MAPKAP1: variants seen among roughly 807,000 people sequenced by gnomAD.
The protein encoded by MAPKAP1 is target of rapamycin complex 2 subunit MAPKAP1.
Under a neutral mutation model 65.7 loss-of-function variants are expected in MAPKAP1, and 20 were observed. The observed-to-expected ratio is 0.30, with a 90% confidence interval of 0.21 to 0.44. The LOEUF (loss-of-function observed/expected upper bound fraction) is 0.44, where lower values mean the gene tolerates loss of function less well. Among genes scored for constraint, MAPKAP1 ranks in the 20% least tolerant of loss-of-function variants. The pLI, the probability that MAPKAP1 is intolerant of heterozygous loss-of-function variation, is 1.00. For missense variants in MAPKAP1, 423 were observed against 648.0 expected (o/e 0.65, Z 3.77); for synonymous variants, 222 against 244.3 (o/e 0.91, Z 0.85).
At chr9:125,578,120 C>A (rs558685750) in intron 5 of MAPKAP1, among the ~76,000 whole-genome samples, 26 of 152,258 alleles carry the variant, frequency 1.7e-4, no homozygotes, top group African/African-American at 6.0e-4. Context: ...TCCTGTTGAT[C>A]TATGACCTTA....
intron 1 of MAPKAP1, among the ~76,000 whole-genome samples, chr9:125,685,192 T>G (rs1435729694): frequency 1.3e-5 from 2 of 151,796 alleles, no homozygotes; most frequent in Non-Finnish European, 2.9e-5. Context: ...AGAAGTAAAT[T>G]ATATAGTGAG....
intron 1 of MAPKAP1, among the ~76,000 whole-genome samples, chr9:125,693,470 TAC>T (rs572578988): frequency 3.1e-4 from 46 of 148,768 alleles, no homozygotes; most frequent in Admixed American, 7.4e-4. Context: ...CATGTATATA[TAC>T]ACACACATAT....
At chr9:125,474,037 AATG>A (rs1854018975) in intron 9 of MAPKAP1, among the ~76,000 whole-genome samples, 1 of 152,164 alleles carries the variant, frequency 6.6e-6, no homozygotes, top group East Asian at 1.9e-4. Flanking sequence ...TACTCCTTCT[AATG>A]ATTATTATCA....
intron 4 of MAPKAP1, among the ~76,000 whole-genome samples, chr9:125,635,854 G>T (rs377646620): frequency 3.7e-4 from 56 of 152,260 alleles, no homozygotes; most frequent in African/African-American, 1.3e-3. Context: ...CAAAGCAGGC[G>T]TAGCAGTTTA....
rs145316996 is a variant in MAPKAP1 at position 125,498,112 on chromosome 9, G to C, written c.1066+8198C>G. ...AGGCATTTGGCTGAAGGATGTAGTA[G>C]ATTATCCGACAAGAATCCAAACTGG... is the stretch of plus-strand genomic sequence containing the variant. On this transcript the variant is annotated intron_variant, in intron 8 of 11. Coordinates refer to ENST00000265960, the MANE Select transcript of MAPKAP1 (RefSeq NM_001006617.3). Among the ~76,000 whole-genome samples the C allele has an allele frequency of 8.5e-4, 129 of 152,318 alleles. 1 individual carries two copies. The Middle Eastern group carries it at 0.034, about 40-fold the overall frequency.
chr9:125,682,980 C>T (rs1359267073), intron 1 of MAPKAP1, among the ~76,000 whole-genome samples: 1 of 143,564 alleles, frequency 7.0e-6, no homozygotes, highest in Non-Finnish European at 1.5e-5. Flanking sequence ...TTTTTTGAGA[C>T]GGAGTTTTGC....
At chr9:125,505,032 C>T (rs1402289329) in intron 8 of MAPKAP1, among the ~76,000 whole-genome samples, 1 of 152,214 alleles carries the variant, frequency 6.6e-6, no homozygotes, top group African/African-American at 2.4e-5. Context: ...AGATATTAAA[C>T]AATCACTGAG....
intron 1 of MAPKAP1, among the ~76,000 whole-genome samples, chr9:125,704,559 A>C (rs774742584): frequency 2.6e-5 from 4 of 152,176 alleles, no homozygotes; most frequent in Non-Finnish European, 5.9e-5. Flanking sequence ...CCAAGGTCTA[A>C]CATTTTGCTT....
intron 1 of MAPKAP1, among the ~76,000 whole-genome samples, chr9:125,698,021 A>C (rs1053052487): frequency 3.3e-5 from 5 of 151,716 alleles, no homozygotes; most frequent in African/African-American, 4.8e-5. Context: ...GCCAGTCCCA[A>C]TATCCAAATC....
intron 6 of MAPKAP1, among the ~76,000 whole-genome samples, chr9:125,550,958 CTCTTACCAAACAGCATGGCCTTGAATTAG>C (rs1229638001): frequency 6.6e-6 from 1 of 152,190 alleles, no homozygotes; most frequent in Non-Finnish European, 1.5e-5. Context: ...TTAGCTCTGC[CTCTTACCAAACAGCATGGCCTTGAATTAG>C]TAACTAACTA....
At chr9:125,525,684 A>AAAAAAAC (rs1554816843) in intron 7 of MAPKAP1, among the ~76,000 whole-genome samples, 1 of 147,166 alleles carries the variant, frequency 6.8e-6, no homozygotes, top group Non-Finnish European at 1.5e-5. Context: ...AAACAAAACA[A>AAAAAAAC]AAAAACAAAA....
chr9:125,498,243 C>A (rs1270642631), intron 8 of MAPKAP1, among the ~76,000 whole-genome samples: 2 of 152,238 alleles, frequency 1.3e-5, no homozygotes, highest in Non-Finnish European at 2.9e-5. Context: ...TCTGCTTCAT[C>A]TGTAAGCTTC....
At chr9:125,563,752 T>C (rs376893020) in intron 5 of MAPKAP1, among the ~76,000 whole-genome samples, 1 of 152,090 alleles carries the variant, frequency 6.6e-6, no homozygotes, top group Non-Finnish European at 1.5e-5. Context: ...GTCTTGCTCT[T>C]GTCACCCAGG....
At chr9:125,698,716 G>A (rs7861880) in intron 1 of MAPKAP1, among the ~76,000 whole-genome samples, 4,046 of 151,986 alleles carry the variant, frequency 0.027, 185 homozygotes, top group African/African-American at 0.093. Context: ...AAATGGGGAC[G>A]GGGATAACAT....
intron 4 of MAPKAP1, among the ~76,000 whole-genome samples, chr9:125,590,646 G>A (rs1382239610): frequency 2.6e-5 from 4 of 151,056 alleles, no homozygotes; most frequent in Admixed American, 6.6e-5. Context: ...GTCAAACTCC[G>A]TCTCAAGAAA....
At chr9:125,674,237 GC>G (rs1834580027) in intron 1 of MAPKAP1, among the ~76,000 whole-genome samples, 1 of 151,734 alleles carries the variant, frequency 6.6e-6, no homozygotes, top group Non-Finnish European at 1.5e-5. Context: ...AAAATACATG[GC>G]ATGTAATTAA....
chr9:125,678,186 G>A (rs1041466226), intron 1 of MAPKAP1, among the ~76,000 whole-genome samples: 7 of 152,102 alleles, frequency 4.6e-5, no homozygotes, highest in African/African-American at 7.2e-5. Context: ...CTAAAGTGTT[G>A]GGATTACAGG....
At position 125,699,637 on chromosome 9, in the gene MAPKAP1, A is replaced by AT. The variant is rs576223488; in HGVS notation, c.-70+7333dup. Among the ~76,000 whole-genome samples, 1,308 of 136,346 alleles carry AT rather than the reference A, an allele frequency of 9.6e-3. 14 individuals carry two copies. The highest frequency in any genetic ancestry group is 0.023 in the South Asian group (99 of 4,252). 89.4% of individuals were successfully genotyped at this position (136,346 alleles called of 152,430 possible). A position where few individuals can be genotyped will look rare whatever the true frequency, so the allele number is the denominator to read the frequency against. On this transcript the variant is annotated intron_variant, in intron 1 of 11. Coordinates refer to ENST00000265960, the MANE Select transcript of MAPKAP1 (RefSeq NM_001006617.3). ...GAATTTTGAAGGATTTTTGATTTTGATTTTTTTTTTTTTTTGAGACAGTCT... is the reference window on the plus strand; with the variant it reads ...GAATTTTGAAGGATTTTTGATTTTGATTTTTTTTTTTTTTTTGAGACAGTCT...
intron 8 of MAPKAP1, among the ~76,000 whole-genome samples, chr9:125,485,709 C>T (rs79382157): frequency 0.095 from 14,460 of 152,124 alleles, 1,354 homozygotes; most frequent in African/African-American, 0.25. Flanking sequence ...CTCTACCTCT[C>T]CTGTGAAATC....
Sources: gnomAD v4.1 joint callset for allele counts (sites outside exome capture counted in the v4.1 genomes callset) on GRCh38, gnomAD v4.1.1 for gene constraint, MANE v1.5 for transcripts, NCBI Gene and HGNC (gene_info 2026-07-23, HGNC 2026-07-21) for gene names.